The following RAB14 variants were observed in gnomAD, a reference collection of about 807,000 sequenced individuals.
The protein encoded by RAB14 is RAB14, member RAS oncogene family.
In RAB14, 3 loss-of-function variants were observed where a neutral mutation model predicts 31.1. The observed-to-expected ratio is 0.10, with a 90% CI of 0.04 to 0.25. RAB14 has a LOEUF of 0.25. Ranked by LOEUF, RAB14 falls within the 10% of genes least tolerant of loss-of-function variation. RAB14 has a pLI of 1.00. For missense variants in RAB14, 111 were observed against 260.1 expected, an observed-to-expected ratio of 0.43 and a Z score of 3.94; for synonymous variants, 85 against 84.9, an observed-to-expected ratio of 1.00 and a Z score of 0.00.
At position 121,191,787 on chromosome 9, in the gene RAB14, T is replaced by C. The variant is rs1351616845; in HGVS notation, c.106+384A>G. 3.9e-5 allele frequency among the ~76,000 whole-genome samples: 6 copies of C among 152,078 alleles called. 1 individual carries two copies. The East Asian group carries it at 1.2e-3, about 29-fold the overall frequency. On this transcript the variant is annotated intron_variant, in intron 3 of 7. Transcript: ENST00000373840. Reference sequence around the variant, plus strand: ...GTCCCTTCTATCACCCAAGAAAGAGTAGAAAGAATTCCATTTTAAGTATTT... The same window carrying C: ...GTCCCTTCTATCACCCAAGAAAGAGCAGAAAGAATTCCATTTTAAGTATTT...
At chr9:121,201,334 G>A (rs1468096078) in intron 1 of RAB14, among the ~76,000 whole-genome samples, 1 of 152,100 alleles carries the variant, frequency 6.6e-6, no homozygotes, top group Non-Finnish European at 1.5e-5. Context: ...GCGCCGAGAA[G>A]GCGGGGAAGG....
At chr9:121,197,809 A>AC (rs2053726528) in intron 1 of RAB14, among the ~76,000 whole-genome samples, 2 of 152,240 alleles carry the variant, frequency 1.3e-5, no homozygotes, top group South Asian at 4.1e-4. Context: ...TACAGGTATT[A>AC]GTGCATTTAA....
At chr9:121,196,265 G>T (rs1327859443) in intron 1 of RAB14, among the ~76,000 whole-genome samples, 1 of 151,914 alleles carries the variant, frequency 6.6e-6, no homozygotes, top group East Asian at 1.9e-4. Flanking sequence ...ACATTTTACA[G>T]AAAGTATTCG....
chr9:121,189,802 C>G (rs990521888), intron 4 of RAB14, among the ~76,000 whole-genome samples: 9 of 152,054 alleles, frequency 5.9e-5, no homozygotes, highest in African/African-American at 9.7e-5. Flanking sequence ...ATCTTTACCC[C>G]CAAGAAACAG....
intron 2 of RAB14, 118 bp from the exon 3 acceptor site, chr9:121,192,342 A>G (rs772227413): frequency 1.1e-5 from 7 of 612,704 alleles, no homozygotes; most frequent in African/African-American, 1.9e-5. Context: ...ACAAATTTTT[A>G]TTTTCCTACT....
intron 1 of RAB14, among the ~76,000 whole-genome samples, chr9:121,200,102 A>G (rs2132032516): frequency 6.6e-6 from 1 of 152,364 alleles, no homozygotes; most frequent in South Asian, 2.1e-4. Flanking sequence ...AAGGTTAAGT[A>G]ACTTGCTTAA....
chr9:121,201,295 G>A (rs1564324794), intron 1 of RAB14, among the ~76,000 whole-genome samples: 1 of 152,088 alleles, frequency 6.6e-6, no homozygotes, highest in Admixed American at 6.5e-5. Flanking sequence ...CGAGAGGGGG[G>A]CCCGCGGGAG....
chr9:121,189,361 T>C (rs1184814044), intron 4 of RAB14, among the ~76,000 whole-genome samples: 1 of 152,160 alleles, frequency 6.6e-6, no homozygotes, highest in African/African-American at 2.4e-5. Flanking sequence ...TTTTTAATTA[T>C]GTGAAGTCTT....
In RAB14 at chr9:121,178,603, GGTAAT is replaced by G. The variant is rs2053612181; in HGVS notation, c.*2788_*2792del. ...CTGTCTTACCGAATTTGAGAAGGGA[GGTAAT>G]GTATGAAGCTTAACAGCTGGCTTCA... On this transcript the variant is annotated 3_prime_UTR_variant, in exon 8 of 8. Coordinates refer to ENST00000373840, the MANE Select transcript of RAB14 (RefSeq NM_016322.4). 1 of 152,504 alleles carries G rather than the reference GGTAAT, an allele frequency of 6.6e-6. No homozygotes were observed. The highest frequency in any genetic ancestry group is 2.4e-5 in the African/African-American group (1 of 41,410). The allele number at this position is 152,504 out of a possible 1,614,324, so 9.4% of individuals were successfully genotyped here.
chr9:121,188,363 C>T (rs925512588), intron 4 of RAB14, among the ~76,000 whole-genome samples: 3 of 151,860 alleles, frequency 2.0e-5, no homozygotes, highest in Non-Finnish European at 2.9e-5. Context: ...AAAGCTGACA[C>T]AGAGAGTGAA....
chr9:121,196,802 T>C (rs2053719591), intron 1 of RAB14, among the ~76,000 whole-genome samples: 1 of 152,230 alleles, frequency 6.6e-6, no homozygotes, highest in Non-Finnish European at 1.5e-5. Context: ...ATACTAGTAA[T>C]ACTAACTTAT....
At chr9:121,199,482 C>A (rs899118083) in intron 1 of RAB14, among the ~76,000 whole-genome samples, 1 of 152,156 alleles carries the variant, frequency 6.6e-6, no homozygotes. Context: ...CTCTCAATAG[C>A]CCAAGTTTTC....
chr9:121,185,104 AT>A (rs1258707604), intron 5 of RAB14, among the ~76,000 whole-genome samples: 5 of 152,014 alleles, frequency 3.3e-5, no homozygotes, highest in Admixed American at 6.6e-5. Flanking sequence ...AACTCAAGAA[AT>A]TTTTTTTCTC....
rs71718269 is a variant in RAB14, at chr9:121,178,485, GTCTTT to G, written c.*2906_*2910del. 0.08 allele frequency: 12,158 copies of G among 152,498 alleles called. 521 individuals carry two copies. The highest frequency in any genetic ancestry group is 0.11 in the Non-Finnish European group (7,386 of 67,956). 9.4% of individuals were successfully genotyped at this position (152,498 alleles called of 1,614,324 possible). ...AAGAGGAATGGAAGGTAATTATTTG[GTCTTT>G]TCTTCTGTTTAGGGGAATGAACTGA... On this transcript the variant is annotated 3_prime_UTR_variant, in exon 8 of 8. Coordinates refer to ENST00000373840, the MANE Select transcript of RAB14 (RefSeq NM_016322.4).
Position 121,178,578 on chromosome 9 carries a change from CTG to C in RAB14, c.*2816_*2817del, listed in dbSNP as rs1212754706. On this transcript the variant is annotated 3_prime_UTR_variant, in exon 8 of 8. Transcript: ENST00000373840. ...TGGGCAAAAAAGTTCCCCAAAACTACTGTCTTACCGAATTTGAGAAGGGAGGT... is the reference window on the plus strand; with the variant it reads ...TGGGCAAAAAAGTTCCCCAAAACTACTCTTACCGAATTTGAGAAGGGAGGT... The C allele has an allele frequency of 2.6e-5, 4 of 152,540 alleles. No homozygotes were observed. Among genetic ancestry groups the C allele is most frequent in the Non-Finnish European group, 5.9e-5 (4 of 68,010 alleles). The allele number at this position is 152,540 out of a possible 1,614,324, so 9.4% of individuals were successfully genotyped here. A position where few individuals can be genotyped will look rare whatever the true frequency, so the allele number is the denominator to read the frequency against.
Position 121,181,251 on chromosome 9 carries a change from G to T in RAB14, c.*145C>A. Reference sequence around the variant, plus strand: ...TCTAGTTGTTTAGCAGTTTAGTATTGTGTTAAACTGTTTTTACAACAGAGT... The same window carrying T: ...TCTAGTTGTTTAGCAGTTTAGTATTTTGTTAAACTGTTTTTACAACAGAGT... On this transcript the variant is annotated 3_prime_UTR_variant, in exon 8 of 8. Transcript: ENST00000373840. 1 of 813,968 alleles carries T rather than the reference G, an allele frequency of 1.2e-6. No individual in the cohort carries two copies. Among genetic ancestry groups the T allele is most frequent in the Non-Finnish European group, 1.8e-6 (1 of 554,912 alleles). 50.4% of individuals were successfully genotyped at this position (813,968 alleles called of 1,614,324 possible).
intron 4 of RAB14, among the ~76,000 whole-genome samples, chr9:121,190,093 A>T (rs905605157): frequency 6.6e-6 from 1 of 152,164 alleles, no homozygotes; most frequent in Non-Finnish European, 1.5e-5. Flanking sequence ...ATAAATACTC[A>T]AACACCTTCA....
chr9:121,185,146 T>A (rs998365894), intron 5 of RAB14, among the ~76,000 whole-genome samples: 2 of 152,108 alleles, frequency 1.3e-5, no homozygotes, highest in African/African-American at 2.4e-5. Context: ...AGCACATAAA[T>A]GAGGCAGGAA....
chr9:121,190,709 T>A lies in RAB14; in HGVS notation c.129A>T (p.Thr43=). The change falls in exon 4 of 8, where the codon ACA becomes ACT. Residue 43 remains threonine (T), a synonymous_variant. Coordinates refer to ENST00000373840, the MANE Select transcript of RAB14 (RefSeq NM_016322.4). ...EKKFMADCPH[T]IGVEFGTRII... is the part of the protein sequence containing the mutation. ...TTCTTGTACCAAATTCAACACCAATTGTGTGAGGACAATCAGCCATAACTG... is the reference window on the plus strand; with the variant it reads ...TTCTTGTACCAAATTCAACACCAATAGTGTGAGGACAATCAGCCATAACTG... 1 of 1,613,060 alleles carries A rather than the reference T, an allele frequency of 6.2e-7. No individual in the cohort carries two copies. Among genetic ancestry groups the A allele is most frequent in the African/African-American group, 1.3e-5 (1 of 74,902 alleles).
Sources: gnomAD v4.1 joint callset for allele counts (sites outside exome capture counted in the v4.1 genomes callset) on GRCh38, gnomAD v4.1.1 for gene constraint, MANE v1.5 for transcripts, NCBI Gene and HGNC (gene_info 2026-07-23, HGNC 2026-07-21) for gene names.